The following LIPN variants were observed in gnomAD, a reference collection of about 807,000 sequenced individuals.
LIPN encodes the protein lipase member N.
Under a neutral mutation model 43.7 loss-of-function variants are expected in LIPN, and 32 were observed. The observed-to-expected ratio is 0.73, with a 90% CI of 0.55 to 0.98. LIPN has a LOEUF of 0.98. LIPN is among the 50% of genes least tolerant of loss of function. The pLI is 0.00. For missense variants in LIPN, 505 were observed against 483.8 expected (o/e 1.04, Z -0.41); for synonymous variants, 156 against 157.6 (o/e 0.99, Z 0.08).
At chr10:88,768,668 T>C (rs754394336) in intron 5 of LIPN, 124 bp from the exon 6 acceptor site, 67 of 687,476 alleles carry the variant, frequency 9.7e-5, no homozygotes, top group Non-Finnish European at 1.5e-4. Flanking sequence ...CTCAGAAGAC[T>C]TCCAATTCAT....
rs1843111567 is a variant in LIPN at position 88,766,922 on chromosome 10, AT to A, written c.535+547del. 3.9e-5 allele frequency among the ~76,000 whole-genome samples: 6 copies of A among 152,030 alleles called. No individual in the cohort carries two copies. In the South Asian group the frequency reaches 1.2e-3, roughly 31 times the overall value. On this transcript the variant is annotated intron_variant, in intron 5 of 9. Coordinates refer to ENST00000404459, the MANE Select transcript of LIPN (RefSeq NM_001102469.2). ...TTATCTATTCAGTGTGTGATTTAGT[AT>A]TTATGAAATAGCAAGTAAATGTAAG...
intron 1 of LIPN, among the ~76,000 whole-genome samples, chr10:88,760,383 A>G (rs1181759100): frequency 6.6e-6 from 1 of 152,166 alleles, no homozygotes; most frequent in Non-Finnish European, 1.5e-5. Flanking sequence ...AAGGGGACTC[A>G]GTAGCTTATT....
chr10:88,770,959 TG>T lies in LIPN; in HGVS notation c.790del (p.Ala264LeufsTer8), dbSNP rs778294138. On this transcript the variant is annotated frameshift_variant, in exon 7 of 10. Transcript: ENST00000404459. LOFTEE classifies it high-confidence loss of function. ...WLICSEFMSL[W>X]AGSNKKNMNQ... ...GATATGTAGCGAATTTATGTCCTTA[TG>T]GGCTGGATCCAACAAGAAAAATATG... 1 of 1,572,080 alleles carries T rather than the reference TG, an allele frequency of 6.4e-7. No individual in the cohort carries two copies. The highest frequency in any genetic ancestry group is 1.2e-5 in the South Asian group (1 of 85,430).
chr10:88,768,643 A>C lies in LIPN; in HGVS notation c.536-149A>C. 5.0e-6 allele frequency: 3 copies of C among 595,480 alleles called. No homozygotes were observed. The East Asian group carries it at 8.4e-5, about 17-fold the overall frequency. The allele number at this position is 595,480 out of a possible 1,614,324, so 36.9% of individuals were successfully genotyped here. A position where few individuals can be genotyped will look rare whatever the true frequency, so the allele number is the denominator to read the frequency against. On this transcript the variant is annotated intron_variant, in intron 5 of 9. Coordinates refer to ENST00000404459, the MANE Select transcript of LIPN (RefSeq NM_001102469.2). ...GAGCAGAGAAGACTGAAGGCAGATTATCTTTATAGAATAACTCAGAAGACT... is the reference window on the plus strand; with the variant it reads ...GAGCAGAGAAGACTGAAGGCAGATTCTCTTTATAGAATAACTCAGAAGACT...
intron 1 of LIPN, among the ~76,000 whole-genome samples, chr10:88,760,755 G>A (rs755441967): frequency 1.1e-4 from 16 of 152,082 alleles, no homozygotes; most frequent in Non-Finnish European, 1.9e-4. Context: ...CTGTGGTGAG[G>A]CTGGATTTCA....
chr10:88,758,529 C>T (rs1842954828), upstream of LIPN, among the ~76,000 whole-genome samples: 1 of 148,414 alleles, frequency 6.7e-6, no homozygotes, highest in South Asian at 2.1e-4. Context: ...TTTCTATATA[C>T]TTTTATTATA....
At chr10:88,770,697 G>A (rs1419282563) in intron 6 of LIPN, 148 bp from the exon 7 acceptor site, 1 of 506,676 alleles carries the variant, frequency 2.0e-6, no homozygotes, top group Non-Finnish European at 3.5e-6. Flanking sequence ...TTGAATTTTG[G>A]TTTTTTGCTA....
chr10:88,770,334 AC>A (rs1843183618), intron 6 of LIPN, among the ~76,000 whole-genome samples: 1 of 151,904 alleles, frequency 6.6e-6, no homozygotes, highest in African/African-American at 2.4e-5. Flanking sequence ...AATGCAGTGT[AC>A]ACATGGGTAA....
At chr10:88,767,488 G>A (rs1590177062) in intron 5 of LIPN, among the ~76,000 whole-genome samples, 3 of 151,554 alleles carry the variant, frequency 2.0e-5, no homozygotes, top group South Asian at 4.2e-4. Context: ...CATAGAAGAA[G>A]AAACACAAGT....
At chr10:88,764,635 G>C (rs1296641854) in intron 4 of LIPN, 27 bp downstream of exon 4, 2 of 1,518,538 alleles carry the variant, frequency 1.3e-6, no homozygotes, top group Non-Finnish European at 1.8e-6. Context: ...AAAACTCAAG[G>C]GGGAAATTGG....
rs760498714 is a variant in LIPN at position 88,770,895 on chromosome 10, A to G, written c.723A>G (p.Ile241Met). The G allele has an allele frequency of 6.5e-7, 1 of 1,544,082 alleles. No homozygotes were observed. Among genetic ancestry groups the G allele is most frequent in the South Asian group, 1.2e-5 (1 of 83,392 alleles). The change falls in exon 7 of 10, where the codon ATA (isoleucine) becomes ATG (methionine). Residue 241 changes from isoleucine to methionine, a missense_variant. Coordinates refer to ENST00000404459, the MANE Select transcript of LIPN (RefSeq NM_001102469.2). Reference protein sequence around the residue: ...GFFLEDKKTKIASTKICNNKI... With the variant: ...GFFLEDKKTKMASTKICNNKI... ...TTTTAGAAGATAAGAAAACGAAGAT[A>G]GCTTCTACCAAAATCTGCAACAATA... is the stretch of plus-strand genomic sequence containing the variant.
At chr10:88,760,523 A>G (rs1222440752) in intron 1 of LIPN, among the ~76,000 whole-genome samples, 2 of 152,152 alleles carry the variant, frequency 1.3e-5, no homozygotes, top group African/African-American at 4.8e-5. Flanking sequence ...GTTAAATATT[A>G]CTTTGTTATA....
intron 7 of LIPN, 142 bp downstream of exon 7, chr10:88,771,133 T>C: frequency 1.6e-6 from 1 of 629,246 alleles, no homozygotes; most frequent in Non-Finnish European, 2.7e-6. Context: ...CTTTTAAAAA[T>C]GTTTATGGGT....
chr10:88,763,415 G>A (rs1028039790), intron 3 of LIPN, among the ~76,000 whole-genome samples: 2 of 151,996 alleles, frequency 1.3e-5, no homozygotes, highest in South Asian at 2.1e-4. Flanking sequence ...GAAAGATTTG[G>A]CTTAAGGAGA....
intron 7 of LIPN, among the ~76,000 whole-genome samples, chr10:88,773,216 A>C (rs1267829277): frequency 6.6e-6 from 1 of 151,900 alleles, no homozygotes; most frequent in Non-Finnish European, 1.5e-5. Context: ...GTACTCAACA[A>C]ACCTTGAATA....
intron 4 of LIPN, 28 bp downstream of exon 4, chr10:88,764,636 G>T: frequency 1.3e-6 from 2 of 1,517,288 alleles, no homozygotes; most frequent in South Asian, 1.3e-5. Context: ...AAACTCAAGG[G>T]GGAAATTGGA....
At position 88,778,164 on chromosome 10, in the gene LIPN, C is replaced by G; in HGVS notation, c.1119C>G (p.His373Gln). The G allele has an allele frequency of 6.2e-7, 1 of 1,613,532 alleles. No individual in the cohort carries two copies. The highest frequency in any genetic ancestry group is 8.5e-7 in the Non-Finnish European group (1 of 1,179,696). Residue 373 changes from histidine to glutamine, a missense_variant, in exon 10 of 10, where the codon CAC (histidine) becomes CAG (glutamine). His to Gln is a conservative substitution (Grantham distance 24, BLOSUM62 0). Transcript: ENST00000404459. ...HYFKLLPDWNHFDFVWGLDAP... is the reference protein window; with the variant it reads ...HYFKLLPDWNQFDFVWGLDAP... ...TTAAGCTATTGCCAGATTGGAACCA[C>G]TTTGATTTTGTCTGGGGCCTCGATG...
chr10:88,774,196 G>C (rs897955631), intron 7 of LIPN, among the ~76,000 whole-genome samples: 3 of 152,000 alleles, frequency 2.0e-5, no homozygotes, highest in Non-Finnish European at 4.4e-5. Flanking sequence ...TTTGCTCCAT[G>C]ATGACCATTA....
chr10:88,776,229 A>C (rs1230472253), intron 9 of LIPN, among the ~76,000 whole-genome samples: 1 of 152,084 alleles, frequency 6.6e-6, no homozygotes, highest in Non-Finnish European at 1.5e-5. Flanking sequence ...TAGAAAAAAA[A>C]ACAGTAAATG....
Sources: allele counts gnomAD v4.1 joint callset (sites outside exome capture counted in the v4.1 genomes callset), GRCh38; gene constraint gnomAD v4.1.1; transcripts MANE v1.5; gene names NCBI Gene and HGNC (gene_info 2026-07-23, HGNC 2026-07-21).